The following PPFIA2 variants were observed in gnomAD, a reference collection of about 807,000 sequenced individuals.
PPFIA2 encodes PPFI scaffold protein A2, also known as liprin-alpha-2.
A neutral mutation model predicts 175.5 loss-of-function variants in PPFIA2; 46 were observed. The observed-to-expected ratio is 0.26, with a 90% confidence interval of 0.21 to 0.34. The LOEUF is 0.34. PPFIA2 is among the 10% of genes least tolerant of loss of function. PPFIA2 has a pLI of 1.00. For missense variants in PPFIA2, 1,179 were observed against 1,506.1 expected (o/e 0.78, Z 3.60); for synonymous variants, 568 against 511.4 (o/e 1.11, Z -1.49).
intron 4 of PPFIA2, among the ~76,000 whole-genome samples, chr12:81,622,205 G>T (rs1163274527): frequency 6.6e-6 from 1 of 152,130 alleles, no homozygotes; most frequent in African/African-American, 2.4e-5. Flanking sequence ...ACCCAATTGG[G>T]TATATCAACT....
rs754047944 is a variant in PPFIA2 at position 81,347,674 on chromosome 12, C to T, written c.2091G>A (p.Arg697=). ...CAGTAATGGAGGTACCTGGGTGGAC[C>T]CTTGCCAAATTCAGGCCTTCGAGGC... ...SVSLEGLNLA[R]VHPGTSITAS... is the part of the protein sequence containing the mutation. The change falls in exon 18 of 33, where the codon AGG becomes AGA. Residue 697 remains arginine (R), a synonymous_variant. Coordinates refer to ENST00000549396, the MANE Select transcript of PPFIA2 (RefSeq NM_003625.5). 8.1e-6 allele frequency: 13 copies of T among 1,613,676 alleles called. No homozygotes were observed. The highest frequency in any genetic ancestry group is 1.1e-5 in the Non-Finnish European group (13 of 1,179,828).
chr12:81,386,320 TAAGAA>T (rs1170195051), intron 8 of PPFIA2, among the ~76,000 whole-genome samples: 20 of 131,250 alleles, frequency 1.5e-4, no homozygotes, highest in African/African-American at 5.5e-4. Context: ...AATAAATAAA[TAAGAA>T]AAGAAAAGAA....
intron 4 of PPFIA2, among the ~76,000 whole-genome samples, chr12:81,591,657 T>G (rs2058686992): frequency 6.6e-6 from 1 of 152,170 alleles, no homozygotes; most frequent in Admixed American, 6.6e-5. Context: ...CTCAGGTTGT[T>G]GCTTCAGAGG....
intron 4 of PPFIA2, among the ~76,000 whole-genome samples, chr12:81,663,659 G>C (rs2069441570): frequency 6.6e-6 from 1 of 152,140 alleles, no homozygotes; most frequent in Non-Finnish European, 1.5e-5. Flanking sequence ...AGCTACCAAT[G>C]ACTTTCTTCA....
At chr12:81,682,498 A>C (rs2073816098) in intron 3 of PPFIA2, among the ~76,000 whole-genome samples, 1 of 152,064 alleles carries the variant, frequency 6.6e-6, no homozygotes, top group South Asian at 2.1e-4. Context: ...AACATATTTC[A>C]ATATAGAGTA....
Position 81,421,631 on chromosome 12 carries a change from C to A in PPFIA2, c.646-15728G>T, listed in dbSNP as rs529328371. Among the ~76,000 whole-genome samples the A allele has an allele frequency of 5.9e-5, 9 of 151,972 alleles. 1 individual carries two copies. In the South Asian group the frequency reaches 8.3e-4, roughly 14 times the overall value. ...AGTAAGAGAGCAGAGAGAGAAAAATCAATGGCAAAATGTATAGAAAGCAAT... is the reference window on the plus strand; with the variant it reads ...AGTAAGAGAGCAGAGAGAGAAAAATAAATGGCAAAATGTATAGAAAGCAAT... On this transcript the variant is annotated intron_variant, in intron 7 of 32. Coordinates refer to ENST00000549396, the MANE Select transcript of PPFIA2 (RefSeq NM_003625.5).
intron 4 of PPFIA2, among the ~76,000 whole-genome samples, chr12:81,607,442 T>G (rs948165275): frequency 1.3e-5 from 2 of 152,168 alleles, no homozygotes; most frequent in African/African-American, 2.4e-5. Flanking sequence ...ATGGAATGTT[T>G]TTTCCATTTA....
At chr12:81,559,113 A>T (rs2069430998) in intron 4 of PPFIA2, among the ~76,000 whole-genome samples, 1 of 152,232 alleles carries the variant, frequency 6.6e-6, no homozygotes, top group Non-Finnish European at 1.5e-5. Context: ...TAAAACACAC[A>T]GAGAAAATAC....
At chr12:81,733,893 A>G (rs1378889493) in intron 3 of PPFIA2, among the ~76,000 whole-genome samples, 1 of 151,732 alleles carries the variant, frequency 6.6e-6, no homozygotes, top group Non-Finnish European at 1.5e-5. Flanking sequence ...TTATCCTGTA[A>G]CCTACATGTT....
chr12:81,587,701 T>C (rs2075487647), intron 4 of PPFIA2, among the ~76,000 whole-genome samples: 1 of 152,050 alleles, frequency 6.6e-6, no homozygotes, highest in African/African-American at 2.4e-5. Context: ...ATATTGTCTG[T>C]ATGTACATTT....
intron 7 of PPFIA2, among the ~76,000 whole-genome samples, chr12:81,414,211 G>C (rs1054810203): frequency 6.6e-6 from 1 of 151,712 alleles, no homozygotes; most frequent in African/African-American, 2.4e-5. Context: ...TTGGTAATCA[G>C]TGAAATGATT....
At chr12:81,415,232 T>A (rs1453579995) in intron 7 of PPFIA2, among the ~76,000 whole-genome samples, 4 of 75,942 alleles carry the variant, frequency 5.3e-5, no homozygotes, top group Non-Finnish European at 1.1e-4. Context: ...TATATATATA[T>A]ATATATATAT....
In PPFIA2 at chr12:81,554,634, G is replaced by A. The variant is rs1435583485; in HGVS notation, c.304-96768C>T. 3.9e-5 allele frequency among the ~76,000 whole-genome samples: 6 copies of A among 152,138 alleles called. No individual in the cohort carries two copies. The East Asian group carries it at 1.2e-3, about 29-fold the overall frequency. On this transcript the variant is annotated intron_variant, in intron 4 of 32. Coordinates refer to ENST00000549396, the MANE Select transcript of PPFIA2 (RefSeq NM_003625.5). ...TCTGATCAGATATTTGAAAAGAATT[G>A]ATTTTAATTTGCTCATGTCCTCAAA...
intron 4 of PPFIA2, among the ~76,000 whole-genome samples, chr12:81,562,796 G>A (rs1357502548): frequency 8.0e-6 from 1 of 124,604 alleles, no homozygotes; most frequent in African/African-American, 3.1e-5. Context: ...GCAGTGAGCC[G>A]AGATCCCGCC....
chr12:81,587,956 T>G (rs1441024539), intron 4 of PPFIA2, among the ~76,000 whole-genome samples: 1 of 152,004 alleles, frequency 6.6e-6, no homozygotes, highest in Admixed American at 6.6e-5. Flanking sequence ...GCATAGAAAC[T>G]TTCTATATGA....
chr12:81,567,558 G>T (rs1467745157), intron 4 of PPFIA2, among the ~76,000 whole-genome samples: 1 of 152,124 alleles, frequency 6.6e-6, no homozygotes, highest in African/African-American at 2.4e-5. Flanking sequence ...GAGAGGAGGG[G>T]TCTACAGATT....
chr12:81,385,987 A>AG (rs2038853005), intron 8 of PPFIA2, among the ~76,000 whole-genome samples: 1 of 152,070 alleles, frequency 6.6e-6, no homozygotes, highest in Non-Finnish European at 1.5e-5. Context: ...TCAATTAAAA[A>AG]GTAAAAGGCC....
intron 4 of PPFIA2, among the ~76,000 whole-genome samples, chr12:81,529,674 T>C (rs985517148): frequency 6.6e-6 from 1 of 151,914 alleles, no homozygotes; most frequent in Admixed American, 6.6e-5. Flanking sequence ...CTTTAAAAAT[T>C]GTAATTTTTC....
At chr12:81,673,590 G>T (rs1218617124) in intron 4 of PPFIA2, among the ~76,000 whole-genome samples, 2 of 151,814 alleles carry the variant, frequency 1.3e-5, no homozygotes, top group African/African-American at 4.8e-5. Context: ...TTATGCTGGA[G>T]GTTAATCTGT....
Sources: gnomAD v4.1 joint callset for allele counts (sites outside exome capture counted in the v4.1 genomes callset) on GRCh38, gnomAD v4.1.1 for gene constraint, MANE v1.5 for transcripts, NCBI Gene and HGNC (gene_info 2026-07-23, HGNC 2026-07-21) for gene names.